The following P2RX3 variants were observed in gnomAD, a reference collection of about 807,000 sequenced individuals.
P2RX3 encodes the protein P2X purinoceptor 3.
P2RX3 carries 41 observed loss-of-function variants against 51.5 expected under a neutral mutation model. The ratio of observed to expected loss-of-function variants is 0.80; its 90% CI spans 0.62 to 1.03. The LOEUF is 1.03. Ranked by LOEUF, P2RX3 falls within the 50% of genes least tolerant of loss-of-function variation. The pLI is 0.00. For missense variants in P2RX3, 459 were observed against 522.1 expected, an observed-to-expected ratio of 0.88 and a Z score of 1.18; for synonymous variants, 185 against 191.6, an observed-to-expected ratio of 0.97 and a Z score of 0.29.
intron 8 of P2RX3, among the ~76,000 whole-genome samples, chr11:57,355,083 T>A (rs906771619): frequency 6.6e-6 from 1 of 152,104 alleles, no homozygotes; most frequent in Non-Finnish European, 1.5e-5. Flanking sequence ...TGAGGCAAAG[T>A]GGCCCACTGA....
At chr11:57,362,468 T>C (rs1341202775) in intron 8 of P2RX3, among the ~76,000 whole-genome samples, 1 of 152,216 alleles carries the variant, frequency 6.6e-6, no homozygotes, top group African/African-American at 2.4e-5. Context: ...ATGAGGAGGC[T>C]ACAGGGTCCT....
In P2RX3 at chr11:57,369,991, C is replaced by A; in HGVS notation, c.1188C>A (p.Gly396=). The change falls in exon 12 of 12, where the codon GGC becomes GGA. Residue 396 remains glycine, a synonymous_variant. Transcript: ENST00000263314. The part of the protein sequence containing the change: ...QSTDSGAFSI[G]H Reference sequence around the variant, plus strand: ...CCGATTCGGGGGCCTTCTCCATAGGCCACTAGGGCCTCTTTCCAGGGCCCC... The same window carrying A: ...CCGATTCGGGGGCCTTCTCCATAGGACACTAGGGCCTCTTTCCAGGGCCCC... 1 of 1,608,846 alleles carries A rather than the reference C, an allele frequency of 6.2e-7. No homozygotes were observed. The highest frequency in any genetic ancestry group is 8.5e-7 in the Non-Finnish European group (1 of 1,175,610).
intron 3 of P2RX3, 39 bp downstream of exon 3, chr11:57,347,226 C>T (rs1410133511): frequency 6.2e-7 from 1 of 1,603,502 alleles, no homozygotes; most frequent in Non-Finnish European, 8.5e-7. Flanking sequence ...CAGGTCAAGG[C>T]TGAAAATGTT....
chr11:57,337,765 G>T (rs539919599), upstream of P2RX3, among the ~76,000 whole-genome samples: 3 of 152,292 alleles, frequency 2.0e-5, no homozygotes, highest in African/African-American at 7.2e-5. Context: ...ACACCAACAT[G>T]GCACACGTAT....
Position 57,347,099 on chromosome 11 carries a change from C to T in P2RX3, c.256-17C>T, listed in dbSNP as rs1243303585. The T allele has an allele frequency of 1.9e-6, 3 of 1,611,590 alleles. No homozygotes were observed. In the African/African-American group the frequency reaches 4.0e-5, roughly 22 times the overall value. Reference sequence around the variant, plus strand: ...GGGACTGTTGGATGTTTTTCTCTCCCTTCTTCTCCTCCCAAGGGCACCTCG... The same window carrying T: ...GGGACTGTTGGATGTTTTTCTCTCCTTTCTTCTCCTCCCAAGGGCACCTCG... On this transcript the variant is annotated splice_polypyrimidine_tract_variant and intron_variant, in intron 2 of 11. Transcript: ENST00000263314.
chr11:57,344,806 C>T (rs73472559), intron 1 of P2RX3, among the ~76,000 whole-genome samples: 1,687 of 152,302 alleles, frequency 0.011, 29 homozygotes, highest in African/African-American at 0.038. Context: ...ACACCAAACC[C>T]TCTCACTGAA....
intron 8 of P2RX3, among the ~76,000 whole-genome samples, chr11:57,367,566 C>A (rs1313770045): frequency 6.6e-6 from 1 of 152,042 alleles, no homozygotes; most frequent in East Asian, 1.9e-4. Flanking sequence ...ACTAAAAATA[C>A]AAAAATTAGC....
At chr11:57,345,369 G>A (rs1030190805) in intron 1 of P2RX3, among the ~76,000 whole-genome samples, 6 of 152,154 alleles carry the variant, frequency 3.9e-5, no homozygotes, top group Admixed American at 6.5e-5. Flanking sequence ...GGTCAAATAA[G>A]ATTGGGAGAC....
chr11:57,362,767 T>C (rs1011199897), intron 8 of P2RX3, among the ~76,000 whole-genome samples: 1 of 152,146 alleles, frequency 6.6e-6, no homozygotes, highest in African/African-American at 2.4e-5. Context: ...AGCTGTGACA[T>C]GGGAATAGCA....
At chr11:57,368,806 C>T (rs1180499259) in intron 10 of P2RX3, among the ~76,000 whole-genome samples, 1 of 152,180 alleles carries the variant, frequency 6.6e-6, no homozygotes, top group Non-Finnish European at 1.5e-5. Flanking sequence ...AGCCTGCCTT[C>T]AGGGACTTCC....
At chr11:57,361,578 A>G (rs972717876) in intron 8 of P2RX3, among the ~76,000 whole-genome samples, 3 of 152,300 alleles carry the variant, frequency 2.0e-5, no homozygotes, top group Admixed American at 1.3e-4. Context: ...TTTGCTGAGG[A>G]TGATGGCTTC....
chr11:57,350,752 G>A lies in P2RX3; in HGVS notation c.706-10G>A. On this transcript the variant is annotated splice_polypyrimidine_tract_variant and intron_variant, in intron 7 of 11. Transcript: ENST00000263314. The stretch of plus-strand genomic sequence containing the variant: ...CGAGGGGAAAGCTCATACCCGGCCC[G>A]TTTCTTCAGGGGGGAGTTCTGGGCA... 3.1e-6 allele frequency: 5 copies of A among 1,592,036 alleles called. No homozygotes were observed. Among genetic ancestry groups the A allele is most frequent in the Non-Finnish European group, 4.3e-6 (5 of 1,166,766 alleles).
At chr11:57,363,647 G>A (rs978553241) in intron 8 of P2RX3, among the ~76,000 whole-genome samples, 3 of 152,206 alleles carry the variant, frequency 2.0e-5, no homozygotes, top group African/African-American at 4.8e-5. Context: ...AGGGGACTGG[G>A]AAATGTGGTC....
At chr11:57,369,209 A>G in intron 10 of P2RX3, 152 bp from the exon 11 acceptor site, 1 of 679,638 alleles carries the variant, frequency 1.5e-6, no homozygotes, top group Non-Finnish European at 2.6e-6. Flanking sequence ...TTCAAACCAT[A>G]GCACTATCCC....
chr11:57,336,210 A>G (rs61888888), upstream of P2RX3, among the ~76,000 whole-genome samples: 15,183 of 152,158 alleles, frequency 0.1, 791 homozygotes, highest in Middle Eastern at 0.13. Flanking sequence ...AGTCGATGGG[A>G]CAAGAAGAGA....
intron 8 of P2RX3, among the ~76,000 whole-genome samples, chr11:57,361,942 T>C (rs1856726143): frequency 6.6e-6 from 1 of 152,156 alleles, no homozygotes; most frequent in African/African-American, 2.4e-5. Context: ...AACCCTTCCT[T>C]ATGTCCGATT....
chr11:57,368,302 C>T (rs1372063230), intron 9 of P2RX3, 70 bp from the exon 10 acceptor site: 13 of 1,542,714 alleles, frequency 8.4e-6, no homozygotes, highest in Admixed American at 3.4e-5. Context: ...TCTGGCGCCA[C>T]GTGCAGCCTC....
At chr11:57,359,670 C>T (rs544482098) in intron 8 of P2RX3, among the ~76,000 whole-genome samples, 2 of 152,358 alleles carry the variant, frequency 1.3e-5, no homozygotes, top group East Asian at 3.9e-4. Flanking sequence ...ACCAGCTTAG[C>T]AAGCTCCCTG....
rs11606266 is a variant in P2RX3 at position 57,372,030 on chromosome 11, C to T, written c.*2033C>T. 6.6e-6 allele frequency among the ~76,000 whole-genome samples: 1 copy of T among 152,152 alleles called. No individual in the cohort carries two copies. Among genetic ancestry groups the T allele is most frequent in the Non-Finnish European group, 1.5e-5 (1 of 68,036 alleles). ...TGAACTAAGTTACCACTTCTGTGTG[C>T]TAGATGTAGGGTTAATATCAGTAGT... On this transcript the variant is annotated 3_prime_UTR_variant, in exon 12 of 12. Coordinates refer to ENST00000263314, the MANE Select transcript of P2RX3 (RefSeq NM_002559.5).
Sources: gnomAD v4.1 joint callset for allele counts (sites outside exome capture counted in the v4.1 genomes callset) on GRCh38, gnomAD v4.1.1 for gene constraint, MANE v1.5 for transcripts, NCBI Gene and HGNC (gene_info 2026-07-23, HGNC 2026-07-21) for gene names.